DPP6: variants seen among roughly 807,000 people sequenced by gnomAD.
The protein encoded by DPP6 is A-type potassium channel modulatory protein DPP6.
Under a neutral mutation model 122.6 loss-of-function variants are expected in DPP6, and 69 were observed. The ratio of observed to expected loss-of-function variants is 0.56; its 90% confidence interval spans 0.46 to 0.69. The LOEUF (loss-of-function observed/expected upper bound fraction) is 0.69. Ranked by LOEUF, DPP6 falls within the 30% of genes least tolerant of loss-of-function variation. The pLI is 0.00. For synonymous variants in DPP6, 418 were observed against 433.1 expected, an observed-to-expected ratio of 0.97 and a Z score of 0.43; for missense variants, 928 against 1,116.9, an observed-to-expected ratio of 0.83 and a Z score of 2.41.
chr7:154,187,572 A>G (rs1798410214), intron 1 of DPP6, among the ~76,000 whole-genome samples: 1 of 152,194 alleles, frequency 6.6e-6, no homozygotes, highest in Non-Finnish European at 1.5e-5. Context: ...TATACTCTCT[A>G]CTGTTAGTTA....
chr7:154,709,586 CTT>C (rs3080667), intron 7 of DPP6, among the ~76,000 whole-genome samples: 67 of 141,600 alleles, frequency 4.7e-4, no homozygotes, highest in African/African-American at 1.6e-3. Flanking sequence ...CGACATTTTT[CTT>C]TTTTTTTTTT....
chr7:153,980,355 G>C (rs921039916), intron 1 of DPP6, among the ~76,000 whole-genome samples: 2 of 152,134 alleles, frequency 1.3e-5, no homozygotes, highest in African/African-American at 4.8e-5. Flanking sequence ...AATATTCTCT[G>C]ATGGTAGTGT....
chr7:153,958,132 C>T (rs1795152096), intron 1 of DPP6, among the ~76,000 whole-genome samples: 1 of 152,102 alleles, frequency 6.6e-6, no homozygotes, highest in African/African-American at 2.4e-5. Flanking sequence ...CCACTGCGCT[C>T]CAGCCTGGGC....
At chr7:154,020,734 C>T (rs1012862455) in intron 1 of DPP6, among the ~76,000 whole-genome samples, 14 of 152,100 alleles carry the variant, frequency 9.2e-5, no homozygotes, top group Non-Finnish European at 2.1e-4. Flanking sequence ...GATCAGAGAC[C>T]TGCTATGTAA....
chr7:154,489,288 TG>T (rs940523029), intron 3 of DPP6, among the ~76,000 whole-genome samples: 32 of 152,204 alleles, frequency 2.1e-4, no homozygotes, highest in African/African-American at 7.5e-4. Flanking sequence ...AAACTTAGTG[TG>T]AATCTCATGT....
chr7:153,772,928 AAG>A, the DPP6 span, among the ~76,000 whole-genome samples: 1 of 142,608 alleles, frequency 7.0e-6, no homozygotes, highest in South Asian at 2.1e-4. Context: ...TAATATATAA[AAG>A]AAAAGACTTT....
rs1802997246 is a variant in DPP6 at position 154,261,245 on chromosome 7, A to G, written c.244-184969A>G. Among the ~76,000 whole-genome samples, 6 of 152,278 alleles carry G rather than the reference A, an allele frequency of 3.9e-5. No individual in the cohort carries two copies. The South Asian group carries it at 1.0e-3, about 26-fold the overall frequency. ...CCACACTGTTTTCCATAGTGGTTGC[A>G]CTAGTTTACATTTTCACCAGCAGTG... On this transcript the variant is annotated intron_variant, in intron 1 of 25. Transcript: ENST00000377770.
At chr7:154,455,319 T>G (rs1391452371) in intron 2 of DPP6, among the ~76,000 whole-genome samples, 1 of 151,972 alleles carries the variant, frequency 6.6e-6, no homozygotes, top group African/African-American at 2.4e-5. Context: ...TTTGTAGGAG[T>G]CAGGCTCTGC....
chr7:153,962,751 C>T (rs1438566703), intron 1 of DPP6, among the ~76,000 whole-genome samples: 1 of 152,156 alleles, frequency 6.6e-6, no homozygotes, highest in Non-Finnish European at 1.5e-5. Flanking sequence ...CATGTGGAAC[C>T]ATCTAGAAGC....
intron 1 of DPP6, among the ~76,000 whole-genome samples, chr7:153,892,600 C>G (rs747351226): frequency 3.9e-5 from 6 of 152,106 alleles, no homozygotes; most frequent in Non-Finnish European, 7.3e-5. Flanking sequence ...CCTCTCCCTG[C>G]CAAATCTTCT....
chr7:154,889,368 A>G, intron 24 of DPP6, 24 bp downstream of exon 24: 3 of 1,608,234 alleles, frequency 1.9e-6, no homozygotes, highest in East Asian at 4.5e-5. Flanking sequence ...ACATGAATTC[A>G]CTGTGTATCT....
At chr7:154,134,124 T>G (rs981944366) in intron 1 of DPP6, among the ~76,000 whole-genome samples, 2 of 151,984 alleles carry the variant, frequency 1.3e-5, no homozygotes, top group East Asian at 1.9e-4. Context: ...TTGGCGTGAA[T>G]GAGTGAGATA....
intron 1 of DPP6, among the ~76,000 whole-genome samples, chr7:153,913,817 A>G (rs994560460): frequency 2.0e-5 from 3 of 152,128 alleles, no homozygotes; most frequent in Non-Finnish European, 4.4e-5. Flanking sequence ...CCATCTGAGT[A>G]AGGGGGGGAA....
At chr7:154,681,580 G>T (rs1393926837) in intron 7 of DPP6, among the ~76,000 whole-genome samples, 1 of 152,152 alleles carries the variant, frequency 6.6e-6, no homozygotes, top group South Asian at 2.1e-4. Context: ...AGGCTTTTCC[G>T]GTCGCCTCGG....
At chr7:154,491,868 T>C (rs1404533416) in intron 3 of DPP6, among the ~76,000 whole-genome samples, 3 of 152,180 alleles carry the variant, frequency 2.0e-5, no homozygotes, top group South Asian at 2.1e-4. Flanking sequence ...CACTAATGTG[T>C]CTTTTCATGA....
chr7:153,780,915 T>C, the DPP6 span, among the ~76,000 whole-genome samples: 3 of 152,176 alleles, frequency 2.0e-5, no homozygotes, highest in African/African-American at 7.2e-5. Context: ...TGTCTCCTTG[T>C]AACTTTCTGT....
rs1838711031 is a variant in DPP6, at chr7:154,673,713, A to G, written c.762+4272A>G. 5.3e-5 allele frequency among the ~76,000 whole-genome samples: 8 copies of G among 152,338 alleles called. No individual in the cohort carries two copies. The South Asian group carries it at 1.7e-3, about 32-fold the overall frequency. ...GAGAAATCCTAGGTAAAATGTTAAC[A>G]CAGTGTCTCTCCTTTGCTTCCTCTT... On this transcript the variant is annotated intron_variant, in intron 7 of 25. Transcript: ENST00000377770.
intron 21 of DPP6, chr7:154,883,434 TCA>T (rs149158054): frequency 4.5e-5 from 5 of 109,978 alleles, no homozygotes; most frequent in African/African-American, 1.4e-4. Flanking sequence ...ACACACACGC[TCA>T]CATTCACACA....
At position 154,302,503 on chromosome 7, in the gene DPP6, C is replaced by T. The variant is rs147514052; in HGVS notation, c.244-143711C>T. ...TCCACCAGTAATTCCTAAACTTCCC[C>T]ACCTGGAGGCTCCTGATGACAGATG... On this transcript the variant is annotated intron_variant, in intron 1 of 25. Transcript: ENST00000377770. 9.8e-4 allele frequency among the ~76,000 whole-genome samples: 150 copies of T among 152,308 alleles called. 1 individual carries two copies. The Middle Eastern group carries it at 0.024, about 24-fold the overall frequency.
Sources: allele counts gnomAD v4.1 joint callset (sites outside exome capture counted in the v4.1 genomes callset), GRCh38; gene constraint gnomAD v4.1.1; transcripts MANE v1.5; gene names NCBI Gene and HGNC (gene_info 2026-07-23, HGNC 2026-07-21).